Variants in OTULIN observed in about 807,000 individuals in gnomAD.
OTULIN encodes the protein ubiquitin thioesterase otulin.
A neutral mutation model predicts 39.6 loss-of-function variants in OTULIN; 15 were observed. That is an observed-to-expected ratio of 0.38 (90% confidence interval 0.25 to 0.58). OTULIN has a LOEUF of 0.58. Among genes scored for constraint, OTULIN ranks in the 20% least tolerant of loss-of-function variants. The pLI is 0.66. For synonymous variants in OTULIN, 156 were observed against 170.3 expected (o/e 0.92, Z 0.65); for missense variants, 319 against 445.9 (o/e 0.72, Z 2.56).
At chr5:14,666,161 T>C (rs932513814) in intron 1 of OTULIN, among the ~76,000 whole-genome samples, 3 of 152,224 alleles carry the variant, frequency 2.0e-5, no homozygotes, top group African/African-American at 7.2e-5. Context: ...TCTCACGTGC[T>C]GCATGCACCT....
chr5:14,711,453 C>A, the OTULIN span: 1 of 694,640 alleles, frequency 1.4e-6, no homozygotes, highest in Non-Finnish European at 2.6e-6. Context: ...GGCGTCACCT[C>A]TTTTGCATCT....
chr5:14,688,781 G>A (rs1019809969), intron 5 of OTULIN, among the ~76,000 whole-genome samples: 1 of 152,142 alleles, frequency 6.6e-6, no homozygotes, highest in Non-Finnish European at 1.5e-5. Flanking sequence ...GCTGACGGCA[G>A]GGCTGTAGCC....
In OTULIN at chr5:14,692,942, T is replaced by C; in HGVS notation, c.953T>C (p.Val318Ala). Reference protein sequence around the residue: ...SKYNTEEFITVYPTDPPKDWP... With the variant: ...SKYNTEEFITAYPTDPPKDWP... ...TACAACACGGAAGAATTCATCACAG[T>C]CTACCCCACCGACCCACCCAAGGAC... The change falls in exon 7 of 7, where the codon GTC becomes GCC. Residue 318 changes from valine (V) to alanine (A), a missense_variant. This residue lies in a region of OTULIN where 106 missense variants were observed against 192.8 expected (regional missense o/e 0.55). Coordinates refer to ENST00000284274, the MANE Select transcript of OTULIN (RefSeq NM_138348.6). 4 of 1,614,150 alleles carry C rather than the reference T, an allele frequency of 2.5e-6. No individual in the cohort carries two copies. Among genetic ancestry groups the C allele is most frequent in the Non-Finnish European group, 3.4e-6 (4 of 1,180,014 alleles).
chr5:14,684,808 C>G (rs545289049), intron 4 of OTULIN, among the ~76,000 whole-genome samples: 1 of 152,192 alleles, frequency 6.6e-6, no homozygotes. Context: ...AATCTATGCT[C>G]GGTGAAGAAG....
chr5:14,701,231 C>T (rs536410942), downstream of OTULIN, among the ~76,000 whole-genome samples: 1 of 152,198 alleles, frequency 6.6e-6, no homozygotes, highest in Non-Finnish European at 1.5e-5. Flanking sequence ...CTAATGCTGT[C>T]GCCTCCCACC....
At position 14,696,848 on chromosome 5, in the gene OTULIN, C is replaced by T. The variant is rs575056097; in HGVS notation, c.*3800C>T. The T allele has an allele frequency of 7.2e-5, 11 of 152,262 alleles. No homozygotes were observed. The highest frequency in any genetic ancestry group is 2.0e-4 in the Admixed American group (3 of 15,308). The allele number at this position is 152,262 out of a possible 1,614,324, so 9.4% of individuals were successfully genotyped here. ...TGGGAAGACTAGGGAGCCAGTGCCA[C>T]GTTGAACAGAACAGTGGTTTAGTGA... On this transcript the variant is annotated 3_prime_UTR_variant, in exon 7 of 7. Coordinates refer to ENST00000284274, the MANE Select transcript of OTULIN (RefSeq NM_138348.6).
At position 14,673,126 on chromosome 5, in the gene OTULIN, G is replaced by A. The variant is rs1267645021; in HGVS notation, c.153-516G>A. On this transcript the variant is annotated intron_variant, in intron 1 of 6. Coordinates refer to ENST00000284274, the MANE Select transcript of OTULIN (RefSeq NM_138348.6). The stretch of plus-strand genomic sequence containing the variant: ...TGGGGTCAGGAAGCAGGAGGATTTC[G>A]AGGAGGTTTTTTAGCTTTGGCGATT... 8.5e-5 allele frequency among the ~76,000 whole-genome samples: 13 copies of A among 152,280 alleles called. No homozygotes were observed. The East Asian group carries it at 1.9e-3, about 23-fold the overall frequency.
At chr5:14,668,155 A>G (rs1216976234) in intron 1 of OTULIN, among the ~76,000 whole-genome samples, 1 of 152,190 alleles carries the variant, frequency 6.6e-6, no homozygotes, top group Non-Finnish European at 1.5e-5. Context: ...GGCTGTGAAC[A>G]AAAAAAGTGG....
downstream of OTULIN, among the ~76,000 whole-genome samples, chr5:14,704,649 T>G (rs1192965283): frequency 6.6e-6 from 1 of 152,198 alleles, no homozygotes; most frequent in African/African-American, 2.4e-5. Flanking sequence ...TTAGAAGTTT[T>G]AGCAACCAAG....
the OTULIN span, among the ~76,000 whole-genome samples, chr5:14,716,499 T>C: frequency 6.6e-6 from 1 of 151,966 alleles, no homozygotes; most frequent in Non-Finnish European, 1.5e-5. Flanking sequence ...CTCCAATAAA[T>C]AAATAAATAA....
At position 14,693,366 on chromosome 5, in the gene OTULIN, T is replaced by C. The variant is rs1736583877; in HGVS notation, c.*318T>C. 8.2e-6 allele frequency: 2 copies of C among 243,566 alleles called. No homozygotes were observed. Among genetic ancestry groups the C allele is most frequent in the East Asian group, 1.7e-4 (2 of 11,982 alleles). 15.1% of individuals were successfully genotyped at this position (243,566 alleles called of 1,614,324 possible). ...CTCAGTTTTGGAGAGGAATATGTTC[T>C]TTATGTCTCAAATCAAAACTCTCTC... On this transcript the variant is annotated 3_prime_UTR_variant, in exon 7 of 7. Transcript: ENST00000284274.
chr5:14,668,014 C>G (rs1462455717), intron 1 of OTULIN, among the ~76,000 whole-genome samples: 2 of 152,160 alleles, frequency 1.3e-5, no homozygotes, highest in East Asian at 1.9e-4. Flanking sequence ...CATGGCCCTT[C>G]TCTGCCTGTC....
the OTULIN span, chr5:14,708,991 C>G: frequency 6.6e-6 from 1 of 152,080 alleles, no homozygotes; most frequent in South Asian, 2.1e-4. Flanking sequence ...CTCCCAGGAT[C>G]AAGCAAATTC....
chr5:14,708,555 CAT>C, the OTULIN span: 2 of 152,238 alleles, frequency 1.3e-5, no homozygotes, highest in African/African-American at 4.8e-5. Context: ...TTTGATCTCT[CAT>C]GTCTAGCTGG....
chr5:14,677,818 T>C (rs1323610047), intron 2 of OTULIN, among the ~76,000 whole-genome samples: 2 of 152,220 alleles, frequency 1.3e-5, no homozygotes, highest in Admixed American at 6.5e-5. Flanking sequence ...ATTTTTGTTA[T>C]AGTAGGTGTT....
the OTULIN span, chr5:14,712,797 C>T: frequency 1.4e-6 from 2 of 1,410,198 alleles, no homozygotes; most frequent in Non-Finnish European, 2.0e-6. Flanking sequence ...ACCATCCAAC[C>T]TGGTCAGTGG....
chr5:14,711,227 G>A, the OTULIN span: 1 of 1,614,026 alleles, frequency 6.2e-7, no homozygotes, highest in Non-Finnish European at 8.5e-7. Context: ...TTTCCACGAT[G>A]TCTGTCACCT....
chr5:14,713,480 AAC>A, the OTULIN span: 1 of 1,602,998 alleles, frequency 6.2e-7, no homozygotes, highest in East Asian at 2.2e-5. This position sits in a 1 kb window ranked among gnomAD's most constrained non-coding sequence, Gnocchi z 4.4. Context: ...GTAGCTGTTA[AAC>A]CTCTGGACAC....
chr5:14,674,293 A>T (rs1430231891), intron 2 of OTULIN, among the ~76,000 whole-genome samples: 1 of 152,232 alleles, frequency 6.6e-6, no homozygotes, highest in African/African-American at 2.4e-5. Context: ...CTTGGCTGGC[A>T]AAGTTGCATG....
Sources: gnomAD v4.1 joint callset for allele counts (sites outside exome capture counted in the v4.1 genomes callset) on GRCh38, gnomAD v4.1.1 for gene constraint, gnomAD v4.1.1 regional missense constraint, Gnocchi (gnomAD v3.1) non-coding constraint, MANE v1.5 for transcripts, NCBI Gene and HGNC (gene_info 2026-07-23, HGNC 2026-07-21) for gene names.